The following SENP7 variants were observed in gnomAD, a reference collection of about 807,000 sequenced individuals.
The protein encoded by SENP7 is sentrin-specific protease 7.
In SENP7, 64 loss-of-function variants were observed where a neutral mutation model predicts 141.2. That is an observed-to-expected ratio of 0.45 (90% confidence interval 0.37 to 0.56). The LOEUF (loss-of-function observed/expected upper bound fraction) is 0.56, where lower values mean the gene tolerates loss of function less well. Among genes scored for constraint, SENP7 ranks in the 20% least tolerant of loss-of-function variants. The pLI, the probability that SENP7 is intolerant of heterozygous loss-of-function variation, is 0.00. For synonymous variants in SENP7, 382 were observed against 426.4 expected (o/e 0.90, Z 1.28); for missense variants, 1,025 against 1,212.2 (o/e 0.85, Z 2.29).
rs2059513901 is a variant in SENP7 at position 101,348,004 on chromosome 3, G to A, written c.1705C>T (p.Arg569Trp). ...SLLVDTTHLK[R>W]FGLWKSKDDN... ...TCCTTACTTTTCCATAACCCAAACC[G>A]CTTTAAATGTGTGGTATCCACTAGC... Residue 569 changes from arginine to tryptophan, a missense_variant, in exon 13 of 24, where the codon CGG becomes TGG. Arg to Trp is a moderately radical substitution (Grantham distance 101). Transcript: ENST00000394095. 4.4e-6 allele frequency: 7 copies of A among 1,608,664 alleles called. No homozygotes were observed. The highest frequency in any genetic ancestry group is 1.1e-5 in the South Asian group (1 of 90,022).
At chr3:101,342,194 T>C (rs571544073) in intron 14 of SENP7, among the ~76,000 whole-genome samples, 1 of 152,240 alleles carries the variant, frequency 6.6e-6, no homozygotes, top group East Asian at 1.9e-4. Flanking sequence ...TAAAGAAAGA[T>C]AGAGATGAAG....
At chr3:101,405,062 C>T (rs993557792) in intron 5 of SENP7, among the ~76,000 whole-genome samples, 2 of 152,132 alleles carry the variant, frequency 1.3e-5, no homozygotes, top group Non-Finnish European at 2.9e-5. Flanking sequence ...AGCTCTGACT[C>T]GACAGACAGA....
intron 3 of SENP7, among the ~76,000 whole-genome samples, chr3:101,489,159 A>G (rs935660175): frequency 5.3e-5 from 8 of 152,142 alleles, no homozygotes; most frequent in Admixed American, 5.2e-4. Flanking sequence ...AGAGGTCCTT[A>G]AGGGAGTACT....
intron 7 of SENP7, 68 bp downstream of exon 7, chr3:101,371,940 T>C (rs1191621091): frequency 3.6e-6 from 2 of 550,098 alleles, no homozygotes; most frequent in East Asian, 3.6e-5. Context: ...AATTTATTTA[T>C]AACAAAAATT....
Position 101,366,774 on chromosome 3 carries a change from A to T in SENP7, c.979-5T>A. On this transcript the variant is annotated splice_region_variant and splice_polypyrimidine_tract_variant and intron_variant, in intron 8 of 23. Coordinates refer to ENST00000394095, the MANE Select transcript of SENP7 (RefSeq NM_020654.5). Reference sequence around the variant, plus strand: ...TGAGTCATCTTCTTGTTTTTTCTAAACATAAACACATAGAAAAAAATAGCA... The same window carrying T: ...TGAGTCATCTTCTTGTTTTTTCTAATCATAAACACATAGAAAAAAATAGCA... The T allele has an allele frequency of 1.3e-6, 2 of 1,533,242 alleles. No individual in the cohort carries two copies. 95.0% of individuals were successfully genotyped at this position (1,533,242 alleles called of 1,614,324 possible). A position where few individuals can be genotyped will look rare whatever the true frequency, so the allele number is the denominator to read the frequency against.
At chr3:101,414,916 T>C (rs936307905) in intron 5 of SENP7, among the ~76,000 whole-genome samples, 10 of 152,350 alleles carry the variant, frequency 6.6e-5, no homozygotes, top group African/African-American at 1.7e-4. Context: ...GGATCTCCCC[T>C]GTAACAGGCC....
chr3:101,392,554 AT>A lies in SENP7; in HGVS notation c.677+6306del, dbSNP rs372579850. 3.8e-4 allele frequency among the ~76,000 whole-genome samples: 58 copies of A among 152,356 alleles called. No homozygotes were observed. In the East Asian group the frequency reaches 9.8e-3, roughly 26 times the overall value. Reference sequence around the variant, plus strand: ...AAGAAATTAAAGAGGACATAAACAAATGGAAAGATATCCCAAGCTCATGGAT... The same window carrying A: ...AAGAAATTAAAGAGGACATAAACAAAGGAAAGATATCCCAAGCTCATGGAT... On this transcript the variant is annotated intron_variant, in intron 6 of 23. Transcript: ENST00000394095.
intron 4 of SENP7, among the ~76,000 whole-genome samples, chr3:101,427,463 T>G (rs549029852): frequency 7.9e-4 from 113 of 142,206 alleles, no homozygotes; most frequent in African/African-American, 2.8e-3. Flanking sequence ...GAACTCCAGG[T>G]TGGGTGACAG....
chr3:101,460,983 A>G (rs984011629), intron 3 of SENP7, among the ~76,000 whole-genome samples: 7 of 152,148 alleles, frequency 4.6e-5, no homozygotes, highest in Non-Finnish European at 8.8e-5. Context: ...AACTCTTACA[A>G]TTCAGTAAGA....
chr3:101,495,409 C>A (rs1306876681), intron 2 of SENP7, among the ~76,000 whole-genome samples: 1 of 152,072 alleles, frequency 6.6e-6, no homozygotes, highest in Non-Finnish European at 1.5e-5. Flanking sequence ...GGTATATACC[C>A]AAAGGAATAT....
chr3:101,466,011 A>G (rs1312773592), intron 3 of SENP7, among the ~76,000 whole-genome samples: 1 of 152,174 alleles, frequency 6.6e-6, no homozygotes, highest in Non-Finnish European at 1.5e-5. Context: ...GAGCCTCAAC[A>G]ATAGACAAAA....
intron 1 of SENP7, among the ~76,000 whole-genome samples, chr3:101,509,408 T>C (rs2065758716): frequency 6.6e-6 from 1 of 152,178 alleles, no homozygotes; most frequent in Non-Finnish European, 1.5e-5. Context: ...AGTACCCTCA[T>C]GCTACTTTAA....
chr3:101,376,749 C>G (rs980350858), intron 6 of SENP7, among the ~76,000 whole-genome samples: 1 of 151,708 alleles, frequency 6.6e-6, no homozygotes, highest in Admixed American at 6.6e-5. Context: ...CAAACCTGCA[C>G]GTTGTGCACA....
chr3:101,487,553 G>C (rs1056408753), intron 3 of SENP7, among the ~76,000 whole-genome samples: 5 of 152,102 alleles, frequency 3.3e-5, no homozygotes, highest in African/African-American at 1.2e-4. Flanking sequence ...AACAAGAAGG[G>C]TATTTCCTAG....
intron 5 of SENP7, chr3:101,414,624 T>C: frequency 2.5e-6 from 4 of 1,579,514 alleles, no homozygotes; most frequent in Non-Finnish European, 3.5e-6. Flanking sequence ...TCTTAGCCAT[T>C]GGGAAATAAA....
At chr3:101,502,779 G>A (rs1050879358) in intron 1 of SENP7, among the ~76,000 whole-genome samples, 1 of 152,042 alleles carries the variant, frequency 6.6e-6, no homozygotes, top group African/African-American at 2.4e-5. Flanking sequence ...AGCTGGACAC[G>A]GTAGCACATG....
intron 5 of SENP7, chr3:101,414,571 A>G (rs1165557465): frequency 6.2e-6 from 10 of 1,604,994 alleles, no homozygotes; most frequent in Middle Eastern, 3.3e-4. Context: ...GGATGACCAC[A>G]TGCACCTCAT....
intron 6 of SENP7, among the ~76,000 whole-genome samples, chr3:101,374,961 A>G (rs1233948613): frequency 2.0e-5 from 3 of 152,172 alleles, no homozygotes; most frequent in Admixed American, 1.3e-4. Flanking sequence ...AAGTATTTGA[A>G]GAGATGTTTC....
intron 5 of SENP7, among the ~76,000 whole-genome samples, chr3:101,411,749 T>C (rs2061463605): frequency 6.6e-6 from 1 of 152,230 alleles, no homozygotes; most frequent in Non-Finnish European, 1.5e-5. Flanking sequence ...AAAGTTGTCA[T>C]TTCACACATT....
Sources: allele counts gnomAD v4.1 joint callset (sites outside exome capture counted in the v4.1 genomes callset), GRCh38; gene constraint gnomAD v4.1.1; transcripts MANE v1.5; gene names NCBI Gene and HGNC (gene_info 2026-07-23, HGNC 2026-07-21).